CLDN18: variants seen among roughly 807,000 people sequenced by gnomAD.
The protein encoded by CLDN18 is claudin-18.
Under a neutral mutation model 25.0 loss-of-function variants are expected in CLDN18, and 20 were observed. The observed-to-expected ratio is 0.80, with a 90% confidence interval of 0.56 to 1.16. The LOEUF is 1.16. Ranked by LOEUF, CLDN18 falls within the 50% of genes most tolerant of loss-of-function variation. The pLI is 0.00. For missense variants in CLDN18, 297 were observed against 345.4 expected (o/e 0.86, Z 1.11); for synonymous variants, 125 against 135.6 (o/e 0.92, Z 0.54).
chr3:138,009,505 G>A (rs1478694636), upstream of CLDN18, among the ~76,000 whole-genome samples: 2 of 152,150 alleles, frequency 1.3e-5, no homozygotes, highest in African/African-American at 2.4e-5. Flanking sequence ...CAAAAGTGGG[G>A]ACAATTTTGC....
chr3:138,022,578 C>A (rs75760642), intron 1 of CLDN18, among the ~76,000 whole-genome samples: 57 of 152,208 alleles, frequency 3.7e-4, no homozygotes, highest in Admixed American at 3.5e-3. Flanking sequence ...TCAGAAATCA[C>A]GGACTTAAGA....
upstream of CLDN18, among the ~76,000 whole-genome samples, chr3:138,007,073 C>T (rs181801997): frequency 7.2e-5 from 11 of 152,132 alleles, no homozygotes; most frequent in Admixed American, 7.2e-4. Flanking sequence ...GGTATTCTAA[C>T]ACATGTATAT....
chr3:138,025,669 C>T (rs1942318792), intron 3 of CLDN18, among the ~76,000 whole-genome samples: 1 of 152,242 alleles, frequency 6.6e-6, no homozygotes, highest in African/African-American at 2.4e-5. Context: ...TGATCCTACT[C>T]ATGGTCTCTT....
chr3:138,016,809 T>C (rs1942210177), intron 1 of CLDN18, among the ~76,000 whole-genome samples: 1 of 152,140 alleles, frequency 6.6e-6, no homozygotes, highest in Non-Finnish European at 1.5e-5. Flanking sequence ...ATCCCAGCAC[T>C]TTGGGAGGCC....
In CLDN18 at chr3:138,010,300, C is replaced by T. The variant is rs144157849; in HGVS notation, c.75C>T (p.Thr25=). Residue 25 remains threonine (T), a synonymous_variant, in exon 1 of 5, where the codon ACC becomes ACT. Transcript: ENST00000183605. The part of the protein sequence containing the change: ...ILGLAGCIAA[T]GMDMWSTQDL... ...GGCTGGCCGGCTGCATCGCGGCCACCGGGATGGACATGTGGAGCACCCAGG... is the reference window on the plus strand; with the variant it reads ...GGCTGGCCGGCTGCATCGCGGCCACTGGGATGGACATGTGGAGCACCCAGG... 1.9e-6 allele frequency: 3 copies of T among 1,614,054 alleles called. No homozygotes were observed. The highest frequency in any genetic ancestry group is 1.1e-5 in the South Asian group (1 of 91,088).
At chr3:138,026,992 G>T (rs1367233702) in intron 3 of CLDN18, among the ~76,000 whole-genome samples, 1 of 152,210 alleles carries the variant, frequency 6.6e-6, no homozygotes, top group Non-Finnish European at 1.5e-5. Context: ...AGCCACAGGG[G>T]CCAGCAGGTA....
At chr3:138,014,490 G>A (rs1942182142) in intron 1 of CLDN18, among the ~76,000 whole-genome samples, 1 of 152,132 alleles carries the variant, frequency 6.6e-6, no homozygotes, top group Non-Finnish European at 1.5e-5. Context: ...GGGGCTGGGG[G>A]AGGGGGAAGT....
intron 3 of CLDN18, among the ~76,000 whole-genome samples, chr3:138,029,339 T>A (rs1942361470): frequency 6.6e-6 from 1 of 152,038 alleles, no homozygotes; most frequent in Admixed American, 6.5e-5. Context: ...AGAGACAGGG[T>A]TTCACCATGT....
intron 3 of CLDN18, among the ~76,000 whole-genome samples, chr3:138,026,916 G>A (rs1280726929): frequency 5.3e-5 from 8 of 152,160 alleles, no homozygotes; most frequent in Admixed American, 1.3e-4. Context: ...TTCATACCTC[G>A]GTGCCAGTCA....
intron 1 of CLDN18, among the ~76,000 whole-genome samples, chr3:138,017,348 T>TA (rs1443572196): frequency 6.6e-6 from 1 of 152,150 alleles, no homozygotes; most frequent in African/African-American, 2.4e-5. Flanking sequence ...GATTTTTTTT[T>TA]ATATGACTAT....
At chr3:138,008,503 T>C (rs1942093199), upstream of CLDN18, among the ~76,000 whole-genome samples, 1 of 152,028 alleles carries the variant, frequency 6.6e-6, no homozygotes, top group Admixed American at 6.6e-5. Context: ...GTCAGGAGGC[T>C]GAGGCAGGAG....
At chr3:138,012,377 G>A (rs1302629066) in intron 1 of CLDN18, among the ~76,000 whole-genome samples, 4 of 152,024 alleles carry the variant, frequency 2.6e-5, no homozygotes, top group Non-Finnish European at 4.4e-5. Flanking sequence ...CAACTTCCAC[G>A]GTTCCCCATT....
intron 1 of CLDN18, among the ~76,000 whole-genome samples, chr3:138,023,238 G>A (rs778334411): frequency 2.6e-5 from 4 of 152,154 alleles, no homozygotes; most frequent in Admixed American, 6.5e-5. Flanking sequence ...AAACACAAGA[G>A]AAGAAAAATA....
intron 1 of CLDN18, among the ~76,000 whole-genome samples, chr3:138,016,887 C>A (rs529683846): frequency 4.6e-5 from 7 of 152,258 alleles, no homozygotes; most frequent in African/African-American, 1.7e-4. Flanking sequence ...AACCCTGTCT[C>A]TACTAAAAAT....
chr3:137,999,726 C>A (rs1053127304), intron 1 of CLDN18, among the ~76,000 whole-genome samples: 1 of 152,148 alleles, frequency 6.6e-6, no homozygotes, highest in Admixed American at 6.5e-5. Flanking sequence ...GGCAAATGGG[C>A]GCTGCCATGC....
At chr3:138,026,875 T>G (rs1942333734) in intron 3 of CLDN18, among the ~76,000 whole-genome samples, 1 of 152,064 alleles carries the variant, frequency 6.6e-6, no homozygotes, top group Non-Finnish European at 1.5e-5. Context: ...TACGCCAGAG[T>G]TGTCTCAACT....
chr3:138,026,933 G>T (rs1227221737), intron 3 of CLDN18, among the ~76,000 whole-genome samples: 1 of 152,148 alleles, frequency 6.6e-6, no homozygotes, highest in Non-Finnish European at 1.5e-5. Flanking sequence ...GTCAGTCCCT[G>T]GGGGCAGAGT....
In CLDN18 at chr3:138,030,997, A is replaced by C. The variant is rs16847742; in HGVS notation, c.642A>C (p.Ser214=). 1 of 1,612,880 alleles carries C rather than the reference A, an allele frequency of 6.2e-7. No individual in the cohort carries two copies. The highest frequency in any genetic ancestry group is 8.5e-7 in the Non-Finnish European group (1 of 1,179,526). ...TNYKAVSYHA[S]GHSVAYKPGG... ...ACAAAGCCGTTTCTTATCATGCCTCAGGCCACAGTGTTGCCTACAAGCCTG... is the reference window on the plus strand; with the variant it reads ...ACAAAGCCGTTTCTTATCATGCCTCCGGCCACAGTGTTGCCTACAAGCCTG... Residue 214 remains serine (S), a synonymous_variant, in exon 5 of 5, where the codon TCA becomes TCC. Transcript: ENST00000183605.
At chr3:138,027,836 TC>T (rs2107889555) in intron 3 of CLDN18, among the ~76,000 whole-genome samples, 1 of 152,270 alleles carries the variant, frequency 6.6e-6, no homozygotes, top group South Asian at 2.1e-4. Flanking sequence ...CAGGAAAAGA[TC>T]CGCTGTTCAG....
Sources: allele counts gnomAD v4.1 joint callset (sites outside exome capture counted in the v4.1 genomes callset), GRCh38; gene constraint gnomAD v4.1.1; transcripts MANE v1.5; gene names NCBI Gene and HGNC (gene_info 2026-07-23, HGNC 2026-07-21).